DNAH9: variants seen among roughly 807,000 people sequenced by gnomAD.
The protein encoded by DNAH9 is DNAH9 variant protein.
A neutral mutation model predicts 471.6 loss-of-function variants in DNAH9; 345 were observed. The observed-to-expected ratio is 0.73, with a 90% confidence interval of 0.67 to 0.80. DNAH9 has a LOEUF of 0.80. Ranked by LOEUF, DNAH9 falls within the 30% of genes least tolerant of loss-of-function variation. The probability of loss-of-function intolerance (pLI) is 0.00; values close to 1 mark genes in which losing one functional copy is unlikely to be tolerated. For missense variants in DNAH9, 5,407 were observed against 5,609.2 expected (o/e 0.96, Z 1.15); for synonymous variants, 2,093 against 2,123.6 (o/e 0.99, Z 0.40).
intron 17 of DNAH9, among the ~76,000 whole-genome samples, chr17:11,672,049 G>T (rs2073981127): frequency 6.6e-6 from 1 of 152,154 alleles, no homozygotes; most frequent in Admixed American, 6.5e-5. Context: ...CGATAAAATA[G>T]AAATAATAAA....
chr17:11,705,029 A>G lies in DNAH9; in HGVS notation c.5396A>G (p.Asp1799Gly), dbSNP rs1283972937. ...VVAKMIAQKV[D>G]NAQAFLWLSQ... ...ACTCTACCACTCTCTCTTTAGGTAG[A>G]CAATGCCCAGGCTTTCCTCTGGCTG... The change falls in exon 26 of 69, where the codon GAC (aspartate) becomes GGC (glycine). Residue 1799 changes from aspartate (D) to glycine (G), a missense_variant. Asp to Gly is a moderately conservative substitution (Grantham distance 94). Around this residue, in one of 3 missense-constraint regions of DNAH9, gnomAD observed 4,636 missense variants for 4,900.3 expected, o/e 0.95. Coordinates refer to ENST00000262442, the MANE Select transcript of DNAH9 (RefSeq NM_001372.4). The G allele has an allele frequency of 6.2e-7, 1 of 1,613,930 alleles. No individual in the cohort carries two copies. The highest frequency in any genetic ancestry group is 1.3e-5 in the African/African-American group (1 of 74,908).
At chr17:11,793,904 A>G (rs539734741) in intron 42 of DNAH9, among the ~76,000 whole-genome samples, 10 of 152,098 alleles carry the variant, frequency 6.6e-5, no homozygotes, top group Non-Finnish European at 1.0e-4. Context: ...AAGTCCCCAC[A>G]TGGTACTTAG....
Position 11,678,272 on chromosome 17 carries a change from G to A in DNAH9, c.3354-1485G>A, listed in dbSNP as rs555251662. The stretch of plus-strand genomic sequence containing the variant: ...AGGGTTTCATCATGTTGACCAGGCT[G>A]GTCTTGAACTCCTGACCTTGTGATC... On this transcript the variant is annotated intron_variant, in intron 17 of 68. Transcript: ENST00000262442. 4.6e-5 allele frequency among the ~76,000 whole-genome samples: 7 copies of A among 152,156 alleles called. No individual in the cohort carries two copies. The South Asian group carries it at 1.4e-3, about 32-fold the overall frequency.
At chr17:11,863,020 C>T (rs1200657502) in intron 50 of DNAH9, among the ~76,000 whole-genome samples, 2 of 152,132 alleles carry the variant, frequency 1.3e-5, no homozygotes, top group Non-Finnish European at 2.9e-5. Flanking sequence ...ATTTCCTTCT[C>T]CTGCCTAACT....
chr17:11,868,800 C>A (rs953677934), intron 50 of DNAH9, among the ~76,000 whole-genome samples: 4 of 152,112 alleles, frequency 2.6e-5, no homozygotes, highest in Admixed American at 2.0e-4. Flanking sequence ...CCCTTCCCCC[C>A]ATCCACATCC....
Position 11,731,041 on chromosome 17 carries a change from G to GTGATGATGGTGATGGTGA in DNAH9, c.5814+3134_5814+3151dup, listed in dbSNP as rs1177984601. Among the ~76,000 whole-genome samples the GTGATGATGGTGATGGTGA allele has an allele frequency of 2.7e-5, 4 of 149,394 alleles. No individual in the cohort carries two copies. The East Asian group carries it at 8.0e-4, about 30-fold the overall frequency. ...GGTGGTGATGATGATGGTGGTGTCA[G>GTGATGATGGTGATGGTGA]TGATGATGGTGATGGTGATGATGAT... is the stretch of plus-strand genomic sequence containing the variant. On this transcript the variant is annotated intron_variant, in intron 28 of 68. Coordinates refer to ENST00000262442, the MANE Select transcript of DNAH9 (RefSeq NM_001372.4).
intron 27 of DNAH9, among the ~76,000 whole-genome samples, chr17:11,727,552 C>A (rs6502167): frequency 0.96 from 146,167 of 152,284 alleles, 70,436 homozygotes; most frequent in East Asian, 1. Flanking sequence ...TGAAAGCTAC[C>A]GAATCAACAA....
At chr17:11,958,631 G>A (rs564156842) in intron 67 of DNAH9, among the ~76,000 whole-genome samples, 2 of 152,070 alleles carry the variant, frequency 1.3e-5, no homozygotes, top group African/African-American at 2.4e-5. Context: ...CTCTGGTGGG[G>A]AATGTTGATA....
chr17:11,874,613 C>T (rs1453675768), intron 52 of DNAH9, among the ~76,000 whole-genome samples: 2 of 152,132 alleles, frequency 1.3e-5, no homozygotes, highest in African/African-American at 4.8e-5. Flanking sequence ...AGAGAAATAA[C>T]ACTGTTAACA....
Position 11,610,418 on chromosome 17 carries a change from G to C in DNAH9, c.637G>C (p.Val213Leu), listed in dbSNP as rs1338191416. The C allele has an allele frequency of 3.1e-6, 5 of 1,613,348 alleles. No individual in the cohort carries two copies. In the South Asian group the frequency reaches 4.4e-5, roughly 14 times the overall value. ...ETVLDSIDKS[V>L]IYAIESAVIK... ...CAGCTTGGATTCTATAGATAAGTCA[G>C]TCATCTATGCCATTGAGTCTGCAGT... Residue 213 changes from valine to leucine, a missense_variant, in exon 3 of 69, where the codon GTC (valine) becomes CTC (leucine). Coordinates refer to ENST00000262442, the MANE Select transcript of DNAH9 (RefSeq NM_001372.4).
intron 31 of DNAH9, among the ~76,000 whole-genome samples, chr17:11,745,884 T>C (rs1397338899): frequency 1.3e-5 from 2 of 152,020 alleles, no homozygotes; most frequent in Non-Finnish European, 2.9e-5. Context: ...TATGGTAAAA[T>C]ATTCACACAT....
intron 62 of DNAH9, 42 bp from the exon 63 acceptor site, chr17:11,929,824 G>A (rs1459188971): frequency 6.5e-7 from 1 of 1,546,804 alleles, no homozygotes; most frequent in Non-Finnish European, 8.8e-7. Flanking sequence ...ACAGAGCTAA[G>A]CAGATGCCTG....
At chr17:11,842,129 A>T (rs772280980) in intron 49 of DNAH9, among the ~76,000 whole-genome samples, 1 of 152,184 alleles carries the variant, frequency 6.6e-6, no homozygotes, top group African/African-American at 2.4e-5. Context: ...TAATTTGGGG[A>T]ATTCTAGGAG....
intron 49 of DNAH9, among the ~76,000 whole-genome samples, chr17:11,851,077 G>A (rs1488560352): frequency 1.4e-5 from 2 of 146,950 alleles, no homozygotes; most frequent in African/African-American, 2.5e-5. Flanking sequence ...GGTGGGGGTC[G>A]TTTAAATTGA....
intron 30 of DNAH9, among the ~76,000 whole-genome samples, chr17:11,743,290 T>C (rs950194645): frequency 3.3e-5 from 5 of 152,256 alleles, no homozygotes; most frequent in Non-Finnish European, 5.9e-5. Flanking sequence ...TTAATGATTC[T>C]ATGTTCTGGA....
intron 67 of DNAH9, among the ~76,000 whole-genome samples, chr17:11,957,189 C>G (rs904572630): frequency 1.3e-5 from 2 of 152,040 alleles, no homozygotes; most frequent in African/African-American, 4.8e-5. Flanking sequence ...CTATGAGACT[C>G]CATCAAAGCT....
chr17:11,707,587 G>A (rs1032415364), intron 26 of DNAH9, among the ~76,000 whole-genome samples: 31 of 151,658 alleles, frequency 2.0e-4, no homozygotes, highest in African/African-American at 7.1e-4. Context: ...AAGGGGAGAG[G>A]AGAGTCCGAC....
intron 26 of DNAH9, among the ~76,000 whole-genome samples, chr17:11,716,542 T>C (rs1377601376): frequency 1.3e-5 from 2 of 152,184 alleles, no homozygotes; most frequent in Non-Finnish European, 2.9e-5. Context: ...GTTCTGTTCT[T>C]GTGAGGGGAA....
At chr17:11,812,308 C>G (rs1306080056) in intron 45 of DNAH9, among the ~76,000 whole-genome samples, 1 of 151,104 alleles carries the variant, frequency 6.6e-6, no homozygotes, top group Non-Finnish European at 1.5e-5. Context: ...ACTCCATTCC[C>G]TGGCTCTGAT....
Sources: gnomAD v4.1 joint callset for allele counts (sites outside exome capture counted in the v4.1 genomes callset) on GRCh38, gnomAD v4.1.1 for gene constraint, gnomAD v4.1.1 regional missense constraint, MANE v1.5 for transcripts, NCBI Gene and HGNC (gene_info 2026-07-23, HGNC 2026-07-21) for gene names.